ANKRD55: variants seen among roughly 807,000 people sequenced by gnomAD.
ANKRD55 encodes ankyrin repeat domain 55.
ANKRD55 carries 41 observed loss-of-function variants against 60.6 expected under a neutral mutation model. The observed-to-expected ratio is 0.68, with a 90% CI of 0.53 to 0.88. The LOEUF (loss-of-function observed/expected upper bound fraction) is 0.88. ANKRD55 is among the 40% of genes least tolerant of loss of function. The pLI is 0.00. For missense variants in ANKRD55, 732 were observed against 767.6 expected (o/e 0.95, Z 0.55); for synonymous variants, 264 against 290.3 (o/e 0.91, Z 0.92).
chr5:56,104,856 T>A (rs1756408290), intron 10 of ANKRD55, among the ~76,000 whole-genome samples: 1 of 151,952 alleles, frequency 6.6e-6, no homozygotes. Flanking sequence ...ATAGAGTTTG[T>A]GAGGGCATTG....
At chr5:56,135,742 T>C (rs1449937073) in intron 7 of ANKRD55, among the ~76,000 whole-genome samples, 4 of 152,136 alleles carry the variant, frequency 2.6e-5, no homozygotes, top group Non-Finnish European at 4.4e-5. Context: ...ATAAAAAGAA[T>C]GCTGATTGGG....
chr5:56,121,475 C>T lies in ANKRD55; in HGVS notation c.798-4693G>A, dbSNP rs376693061. 5.7e-4 allele frequency among the ~76,000 whole-genome samples: 86 copies of T among 149,912 alleles called. No individual in the cohort carries two copies. In the South Asian group the frequency reaches 7.2e-3, roughly 13 times the overall value. On this transcript the variant is annotated intron_variant, in intron 8 of 11. Coordinates refer to ENST00000341048, the MANE Select transcript of ANKRD55 (RefSeq NM_024669.3). ...GCAACCTCCGCCCCTGGGGTTCAAG[C>T]GATTCTCCTGCCTCAGCCTCCCGAG...
chr5:56,225,271 C>A (rs1760080200), intron 2 of ANKRD55, among the ~76,000 whole-genome samples: 1 of 152,080 alleles, frequency 6.6e-6, no homozygotes, highest in African/African-American at 2.4e-5. Flanking sequence ...AGGCTTTCGA[C>A]AAAATTCAAC....
At position 56,111,395 on chromosome 5, in the gene ANKRD55, A is replaced by G. The variant is rs1347808280; in HGVS notation, c.1353T>C (p.His451=). 1.9e-6 allele frequency: 3 copies of G among 1,614,128 alleles called. No homozygotes were observed. Among genetic ancestry groups the G allele is most frequent in the Admixed American group, 1.7e-5 (1 of 60,016 alleles). ...TCAGGCCTGCATGGGAAGTGGCCCTATGGGAGGCTGTTAGGAAGTTATTGC... is the reference window on the plus strand; with the variant it reads ...TCAGGCCTGCATGGGAAGTGGCCCTGTGGGAGGCTGTTAGGAAGTTATTGC... ...TLGNNFLTAS[H]RATSHAGLSS... Residue 451 remains histidine (H), a synonymous_variant, in exon 10 of 12, where the codon CAT becomes CAC. Transcript: ENST00000341048.
At position 56,159,877 on chromosome 5, in the gene ANKRD55, A is replaced by T; in HGVS notation, c.439T>A (p.Leu147Met). Reference protein sequence around the residue: ...EPDMRLLTVLLQQSNISEINH... With the variant: ...EPDMRLLTVLMQQSNISEINH... ...ATCTCGCTGATGTTCGACTGTTGCA[A>T]CAGGACCGTGAGGAGCCTGTAAGGA... The change falls in exon 6 of 12, where the codon TTG (leucine) becomes ATG (methionine). Residue 147 changes from leucine (L) to methionine (M), a missense_variant. Physicochemically the swap from Leu to Met is conservative, Grantham distance 15. Coordinates refer to ENST00000341048, the MANE Select transcript of ANKRD55 (RefSeq NM_024669.3). 1 of 1,613,918 alleles carries T rather than the reference A, an allele frequency of 6.2e-7. No homozygotes were observed. The highest frequency in any genetic ancestry group is 2.2e-5 in the East Asian group (1 of 44,878).
At chr5:56,141,477 CGTGA>C (rs1561267159) in intron 7 of ANKRD55, among the ~76,000 whole-genome samples, 1 of 152,180 alleles carries the variant, frequency 6.6e-6, no homozygotes, top group Non-Finnish European at 1.5e-5. Flanking sequence ...GAGGCCTGGA[CGTGA>C]GTATTGTTTA....
intron 2 of ANKRD55, among the ~76,000 whole-genome samples, chr5:56,217,680 G>A (rs1759847988): frequency 6.6e-6 from 1 of 152,128 alleles, no homozygotes; most frequent in Admixed American, 6.5e-5. Flanking sequence ...GTATCATGAA[G>A]TCAGGAGATT....
chr5:56,119,384 A>C (rs1050307477), intron 8 of ANKRD55, among the ~76,000 whole-genome samples: 4 of 152,222 alleles, frequency 2.6e-5, no homozygotes, highest in Admixed American at 2.0e-4. Context: ...GGAAAAGGCA[A>C]AACTATACAG....
At chr5:56,158,120 G>A (rs905204028) in intron 6 of ANKRD55, among the ~76,000 whole-genome samples, 5 of 152,036 alleles carry the variant, frequency 3.3e-5, no homozygotes, top group Non-Finnish European at 5.9e-5. Flanking sequence ...GGCGGAGGCT[G>A]TAGTGAGCTG....
chr5:56,221,175 G>A (rs146930723), intron 2 of ANKRD55, among the ~76,000 whole-genome samples: 3 of 152,176 alleles, frequency 2.0e-5, no homozygotes, highest in African/African-American at 7.2e-5. Context: ...TCCTATGCTT[G>A]CCTTTCAAAA....
At position 56,160,534 on chromosome 5, in the gene ANKRD55, C is replaced by T. The variant is rs191473293; in HGVS notation, c.423-641G>A. On this transcript the variant is annotated intron_variant, in intron 5 of 11. Transcript: ENST00000341048. Reference sequence around the variant, plus strand: ...GATTACAAGTGTGAGCCACCGTGCCCGGCCACTTATTCTTTATTCTTTATA... The same window carrying T: ...GATTACAAGTGTGAGCCACCGTGCCTGGCCACTTATTCTTTATTCTTTATA... Among the ~76,000 whole-genome samples the T allele has an allele frequency of 3.8e-4, 58 of 152,306 alleles. No individual in the cohort carries two copies. The East Asian group carries it at 9.8e-3, about 26-fold the overall frequency.
At position 56,111,163 on chromosome 5, in the gene ANKRD55, C is replaced by A. The variant is rs143266332; in HGVS notation, c.1585G>T (p.Val529Phe). The change falls in exon 10 of 12, where the codon GTC (valine) becomes TTC (phenylalanine). Residue 529 changes from valine (V) to phenylalanine (F), a missense_variant. By Grantham distance (50) the Val-to-Phe change is conservative. Coordinates refer to ENST00000341048, the MANE Select transcript of ANKRD55 (RefSeq NM_024669.3). ...TGGCGAAGGTGTGGTGGCACGGAGA[C>A]CTCTTGGTGACCAGGCCGGACACTG... ...LLSVRPGHQE[V>F]SVPPHLRHLH... 361 of 1,614,154 alleles carry A rather than the reference C, an allele frequency of 2.2e-4. No individual in the cohort carries two copies. The highest frequency in any genetic ancestry group is 3.3e-4 in the Admixed American group (20 of 60,022).
intron 5 of ANKRD55, among the ~76,000 whole-genome samples, chr5:56,166,354 C>T (rs1474147471): frequency 6.6e-6 from 1 of 151,544 alleles, no homozygotes; most frequent in Non-Finnish European, 1.5e-5. Context: ...AACTCCTGGG[C>T]TCAAGCAATC....
intron 2 of ANKRD55, chr5:56,192,682 T>C: frequency 7.8e-7 from 1 of 1,276,870 alleles, no homozygotes; most frequent in East Asian, 2.4e-5. Flanking sequence ...TTCATAATGA[T>C]CCTCATGCGA....
rs117754165 is a variant in ANKRD55 at position 56,194,479 on chromosome 5, T to C, written c.59-10845A>G. On this transcript the variant is annotated intron_variant, in intron 2 of 11. Transcript: ENST00000341048. ...GAAATTTTGCTGTGATTATTTATAA[T>C]TGGCAGTATTTCTTCCAGAAGAAGC... 6.6e-4 allele frequency among the ~76,000 whole-genome samples: 100 copies of C among 152,286 alleles called. No homozygotes were observed. The East Asian group carries it at 0.013, about 20-fold the overall frequency.
chr5:56,193,636 T>A (rs1759161496), intron 2 of ANKRD55: 5 of 293,780 alleles, frequency 1.7e-5, no homozygotes, highest in Admixed American at 3.9e-5. Flanking sequence ...AGGAAACCCT[T>A]GAAAGAAAAT....
At chr5:56,115,686 T>C (rs1756865591) in intron 9 of ANKRD55, among the ~76,000 whole-genome samples, 1 of 152,122 alleles carries the variant, frequency 6.6e-6, no homozygotes, top group Admixed American at 6.6e-5. Context: ...TATAAAACAA[T>C]GCTGCTCTTC....
At position 56,143,879 on chromosome 5, in the gene ANKRD55, T is replaced by G. The variant is rs770373905; in HGVS notation, c.534A>C (p.Thr178=). 6.2e-7 allele frequency: 1 copy of G among 1,614,150 alleles called. No individual in the cohort carries two copies. The highest frequency in any genetic ancestry group is 8.5e-7 in the Non-Finnish European group (1 of 1,180,030). The change falls in exon 7 of 12, where the codon ACA becomes ACC. Residue 178 remains threonine, a synonymous_variant. Transcript: ENST00000341048. ...WAAFHNQPQH[T]QMLLKKGADP... ...CTGCCCCCTTCTTCAGCAGCATTTG[T>G]GTGTGTTGAGGCTGGTTGTGGAAAG...
At chr5:56,138,131 T>C (rs1179377201) in intron 7 of ANKRD55, among the ~76,000 whole-genome samples, 5 of 148,832 alleles carry the variant, frequency 3.4e-5, no homozygotes, top group South Asian at 2.1e-4. Flanking sequence ...CTTTTTCTTT[T>C]TTTTTTTTTT....
Sources: allele counts gnomAD v4.1 joint callset (sites outside exome capture counted in the v4.1 genomes callset), GRCh38; gene constraint gnomAD v4.1.1; transcripts MANE v1.5; gene names NCBI Gene and HGNC (gene_info 2026-07-23, HGNC 2026-07-21).